Variants in A2M observed in about 807,000 individuals in gnomAD.
The protein encoded by A2M is alpha-2-macroglobulin.
Under a neutral mutation model 183.9 loss-of-function variants are expected in A2M, and 128 were observed. The ratio of observed to expected loss-of-function variants is 0.70; its 90% CI spans 0.60 to 0.81. A2M has a LOEUF of 0.81. A2M is among the 30% of genes least tolerant of loss of function. The pLI, the probability that A2M is intolerant of heterozygous loss-of-function variation, is 0.00. For synonymous variants in A2M, 592 were observed against 670.8 expected, an observed-to-expected ratio of 0.88 and a Z score of 1.81; for missense variants, 1,495 against 1,787.6, an observed-to-expected ratio of 0.84 and a Z score of 2.95.
In A2M at chr12:9,113,477, C is replaced by A. The variant is rs1383371864; in HGVS notation, c.153G>T (p.Leu51=). The change falls in exon 2 of 36, where the codon CTG becomes CTT. Residue 51 remains leucine (L), a synonymous_variant. Transcript: ENST00000318602. ...TETTEKGCVL[L]SYLNETVTVS... Reference sequence around the variant, plus strand: ...CAGTCACTGTCTCATTCAGGTAGCTCAGAAGGACACAGCCCTTCTCAGTGG... The same window carrying A: ...CAGTCACTGTCTCATTCAGGTAGCTAAGAAGGACACAGCCCTTCTCAGTGG... 3 of 1,613,694 alleles carry A rather than the reference C, an allele frequency of 1.9e-6. No homozygotes were observed. In the Admixed American group the frequency reaches 5.0e-5, roughly 27 times the overall value.
intron 25 of A2M, among the ~76,000 whole-genome samples, chr12:9,078,640 AATTTAC>A (rs1316443424): frequency 6.6e-6 from 1 of 152,214 alleles, no homozygotes; most frequent in African/African-American, 2.4e-5. Context: ...TGGTTGAACA[AATTTAC>A]ATTCAAGTAA....
At chr12:9,082,031 G>A (rs902058745) in intron 22 of A2M, among the ~76,000 whole-genome samples, 3 of 152,190 alleles carry the variant, frequency 2.0e-5, no homozygotes, top group Non-Finnish European at 4.4e-5. Context: ...AGCTTCAGAG[G>A]TTATGCCAGT....
Position 9,095,807 on chromosome 12 carries a change from C to T in A2M, c.1852-107G>A, listed in dbSNP as rs1433468743. On this transcript the variant is annotated intron_variant, in intron 15 of 35. Coordinates refer to ENST00000318602, the MANE Select transcript of A2M (RefSeq NM_000014.6). ...TCGCTCTGTCGCCCAGGCCGGACCG[C>T]GGACTGCAGTGGCGCAATCTCGGCT... is the stretch of plus-strand genomic sequence containing the variant. 5 of 966,100 alleles carry T rather than the reference C, an allele frequency of 5.2e-6. No individual in the cohort carries two copies. In the South Asian group the frequency reaches 5.5e-5, roughly 11 times the overall value. The allele number at this position is 966,100 out of a possible 1,614,324, so 59.8% of individuals were successfully genotyped here. A position where few individuals can be genotyped will look rare whatever the true frequency, so the allele number is the denominator to read the frequency against.
Position 9,099,538 on chromosome 12 carries a change from GA to G in A2M, c.1559-16del, listed in dbSNP as rs766630257. 9.4e-6 allele frequency: 15 copies of G among 1,601,048 alleles called. No homozygotes were observed. The highest frequency in any genetic ancestry group is 1.6e-4 in the Middle Eastern group (1 of 6,062). Reference sequence around the variant, plus strand: ...ATGGCCCTTCACTGGGGCACAAAGAGAATGAGAGGAAGCCATCATAGGTTAA... The same window carrying G: ...ATGGCCCTTCACTGGGGCACAAAGAGATGAGAGGAAGCCATCATAGGTTAA... On this transcript the variant is annotated splice_polypyrimidine_tract_variant and intron_variant, in intron 13 of 35. Coordinates refer to ENST00000318602, the MANE Select transcript of A2M (RefSeq NM_000014.6).
intron 18 of A2M, among the ~76,000 whole-genome samples, chr12:9,092,975 G>A (rs1949257774): frequency 6.6e-6 from 1 of 152,198 alleles, no homozygotes; most frequent in Non-Finnish European, 1.5e-5. Flanking sequence ...ACCTGGGGGA[G>A]ATTATGCTAA....
intron 31 of A2M, among the ~76,000 whole-genome samples, chr12:9,071,649 T>C (rs1948584445): frequency 6.6e-6 from 1 of 152,206 alleles, no homozygotes; most frequent in South Asian, 2.1e-4. Context: ...TGTGTCCATA[T>C]GTTCTCATCA....
At chr12:9,101,399 G>A in intron 12 of A2M, 48 bp downstream of exon 12, 4 of 1,495,120 alleles carry the variant, frequency 2.7e-6, no homozygotes, top group Non-Finnish European at 3.7e-6. Context: ...TTGCTCCACA[G>A]AGAGCTTTTG....
intron 20 of A2M, 71 bp from the exon 21 acceptor site, chr12:9,090,094 A>T: frequency 6.5e-7 from 1 of 1,550,264 alleles, no homozygotes; most frequent in Non-Finnish European, 8.7e-7. Flanking sequence ...CAAGATTTAG[A>T]AATGTTCAAT....
intron 20 of A2M, 100 bp downstream of exon 20, chr12:9,090,256 C>G: frequency 4.5e-6 from 7 of 1,565,140 alleles, no homozygotes; most frequent in Non-Finnish European, 6.1e-6. Context: ...ATCGCAGCAT[C>G]TAGTGGTCTT....
In A2M at chr12:9,079,781, T is replaced by C; in HGVS notation, c.2889A>G (p.Gln963=). ...AGCCATAGGGCATCTGGAGAAGATT[T>C]TGTGTGTTTTGCATGGCAGAGCCTA... ...DILGSAMQNT[Q]NLLQMPYGCG... The change falls in exon 24 of 36, where the codon CAA becomes CAG. Residue 963 remains glutamine (Q), a synonymous_variant. Coordinates refer to ENST00000318602, the MANE Select transcript of A2M (RefSeq NM_000014.6). 2 of 1,612,224 alleles carry C rather than the reference T, an allele frequency of 1.2e-6. No homozygotes were observed. The highest frequency in any genetic ancestry group is 1.7e-6 in the Non-Finnish European group (2 of 1,179,226).
chr12:9,089,245 C>A lies in A2M; in HGVS notation c.2725G>T (p.Gly909Ter). ...TTGAATGTTGTTTCCTTCTCTAGTC[C>A]TTCAGGCTTTAGGTAAAAGAAAGAA... ...VIKPLLVEPEGLEKETTFNSL... is the reference protein window; with the variant it reads ...VIKPLLVEPE Residue 909 changes from glycine to a stop codon, truncating the protein, a stop_gained, in exon 22 of 36, where the codon GGA becomes TGA. Transcript: ENST00000318602. LOFTEE classifies it high-confidence loss of function. 6.3e-7 allele frequency: 1 copy of A among 1,585,324 alleles called. No individual in the cohort carries two copies. Among genetic ancestry groups the A allele is most frequent in the Non-Finnish European group, 8.6e-7 (1 of 1,163,652 alleles).
At chr12:9,094,350 T>TATATATATATATATATATATATATATAC (rs1949305355) in intron 17 of A2M, among the ~76,000 whole-genome samples, 1 of 142,372 alleles carries the variant, frequency 7.0e-6, no homozygotes, top group Non-Finnish European at 1.5e-5. Context: ...CATATATATA[T>TATATATATATATATATATATATATATAC]ATATATATAT....
At chr12:9,079,192 T>C in intron 25 of A2M, 52 bp downstream of exon 25, 2 of 1,401,794 alleles carry the variant, frequency 1.4e-6, no homozygotes, top group South Asian at 1.2e-5. Context: ...AGGTAATACA[T>C]GTAAAAGAGC....
intron 2 of A2M, among the ~76,000 whole-genome samples, chr12:9,113,105 C>T (rs770229675): frequency 6.3e-5 from 9 of 143,838 alleles, no homozygotes; most frequent in Non-Finnish European, 7.5e-5. Context: ...GTCACATTTT[C>T]TTTTTTTTTT....
At chr12:9,112,720 C>G (rs1192220915) in intron 2 of A2M, 184 bp from the exon 3 acceptor site, 1 of 606,942 alleles carries the variant, frequency 1.6e-6, no homozygotes, top group African/African-American at 1.9e-5. Flanking sequence ...AGACAGGACA[C>G]AAGGTGGAGG....
At chr12:9,096,465 A>G (rs1024942787) in intron 15 of A2M, among the ~76,000 whole-genome samples, 4 of 152,226 alleles carry the variant, frequency 2.6e-5, no homozygotes, top group Non-Finnish European at 5.9e-5. Flanking sequence ...CTAAACAGGC[A>G]CACGAATAGG....
intron 25 of A2M, 90 bp from the exon 26 acceptor site, chr12:9,077,947 A>G: frequency 1.3e-6 from 2 of 1,493,174 alleles, no homozygotes; most frequent in Non-Finnish European, 1.8e-6. Flanking sequence ...GATGTGAGTT[A>G]GCTAACAAAA....
intron 13 of A2M, among the ~76,000 whole-genome samples, chr12:9,100,458 T>G (rs1057063686): frequency 3.3e-5 from 5 of 151,598 alleles, no homozygotes; most frequent in Middle Eastern, 3.4e-3. Context: ...TTATTTACTT[T>G]TATAGAGATG....
chr12:9,084,753 A>G (rs1949005515), intron 22 of A2M, among the ~76,000 whole-genome samples: 1 of 152,142 alleles, frequency 6.6e-6, no homozygotes, highest in Non-Finnish European at 1.5e-5. Context: ...ATTTAAAAAA[A>G]CAGGACCGAA....
Sources: allele counts gnomAD v4.1 joint callset (sites outside exome capture counted in the v4.1 genomes callset), GRCh38; gene constraint gnomAD v4.1.1; transcripts MANE v1.5; gene names NCBI Gene and HGNC (gene_info 2026-07-23, HGNC 2026-07-21).